SORCS2: variants seen among roughly 807,000 people sequenced by gnomAD.
The protein encoded by SORCS2 is sortilin related VPS10 domain containing receptor 2.
In SORCS2, 100 loss-of-function variants were observed where a neutral mutation model predicts 141.6. The observed-to-expected ratio is 0.71, with a 90% CI of 0.60 to 0.83. The LOEUF (loss-of-function observed/expected upper bound fraction) is 0.83, where lower values mean the gene tolerates loss of function less well. Among genes scored for constraint, SORCS2 ranks in the 40% least tolerant of loss-of-function variants. The pLI is 0.00. For synonymous variants in SORCS2, 789 were observed against 676.9 expected (o/e 1.17, Z -2.57); for missense variants, 1,646 against 1,560.2 (o/e 1.05, Z -0.93).
chr4:7,268,398 G>A (rs964555275), intron 1 of SORCS2, among the ~76,000 whole-genome samples: 4 of 152,080 alleles, frequency 2.6e-5, no homozygotes, highest in African/African-American at 4.8e-5. Context: ...GCTTCCTGTC[G>A]GCCACTTAAC....
Position 7,591,978 on chromosome 4 carries a change from A to T in SORCS2, c.649-46350A>T, listed in dbSNP as rs546901224. Among the ~76,000 whole-genome samples, 10 of 152,290 alleles carry T rather than the reference A, an allele frequency of 6.6e-5. No homozygotes were observed. In the South Asian group the frequency reaches 2.1e-3, roughly 32 times the overall value. ...TTTCAGCCGACCAACAGAAAATCCC[A>T]GCAGGTTGCAGATGAGAAAAAAAAA... is the stretch of plus-strand genomic sequence containing the variant. On this transcript the variant is annotated intron_variant, in intron 3 of 26. Coordinates refer to ENST00000507866, the MANE Select transcript of SORCS2 (RefSeq NM_020777.3).
At chr4:7,574,818 C>A (rs1715640731) in intron 3 of SORCS2, among the ~76,000 whole-genome samples, 1 of 152,200 alleles carries the variant, frequency 6.6e-6, no homozygotes, top group Non-Finnish European at 1.5e-5. Flanking sequence ...GTGTGGCATG[C>A]TGTCCCCAGG....
At chr4:7,701,791 A>G (rs749746880) in intron 12 of SORCS2, among the ~76,000 whole-genome samples, 64 of 152,254 alleles carry the variant, frequency 4.2e-4, no homozygotes, top group Middle Eastern at 3.4e-3. Context: ...GGGAGACTCC[A>G]TATGGAGGGG....
intron 1 of SORCS2, among the ~76,000 whole-genome samples, chr4:7,314,422 C>T (rs911429505): frequency 4.7e-5 from 7 of 150,094 alleles, no homozygotes; most frequent in East Asian, 3.9e-4. Flanking sequence ...TCCCTGCAAG[C>T]GTCGTCTCCT....
At chr4:7,602,099 T>C (rs1717735202) in intron 3 of SORCS2, among the ~76,000 whole-genome samples, 1 of 152,212 alleles carries the variant, frequency 6.6e-6, no homozygotes, top group African/African-American at 2.4e-5. Flanking sequence ...CAATCTGGTT[T>C]CTCTTTCCTT....
chr4:7,569,444 G>A (rs972470626), intron 3 of SORCS2, among the ~76,000 whole-genome samples: 16 of 152,184 alleles, frequency 1.1e-4, no homozygotes, highest in South Asian at 2.1e-4. Context: ...CCTGGGAGGC[G>A]GAGGTTGCGG....
At chr4:7,396,187 T>C in intron 1 of SORCS2, 101 bp from the exon 2 acceptor site, 1 of 1,138,190 alleles carries the variant, frequency 8.8e-7, no homozygotes. Flanking sequence ...GGCTGTTATT[T>C]AGAGACCCCA....
intron 3 of SORCS2, among the ~76,000 whole-genome samples, chr4:7,558,615 A>G (rs1045017630): frequency 1.3e-5 from 2 of 152,162 alleles, no homozygotes; most frequent in Admixed American, 6.5e-5. Flanking sequence ...TCCCACGCAC[A>G]TGAGCTGACG....
At chr4:7,349,607 T>A (rs996589276) in intron 1 of SORCS2, among the ~76,000 whole-genome samples, 38 of 152,158 alleles carry the variant, frequency 2.5e-4, no homozygotes, top group Non-Finnish European at 5.0e-4. Flanking sequence ...CTCTGGCATG[T>A]CCTTCGCCAC....
intron 3 of SORCS2, among the ~76,000 whole-genome samples, chr4:7,541,095 C>T (rs73075275): frequency 0.022 from 3,282 of 152,342 alleles, 114 homozygotes; most frequent in African/African-American, 0.074. Context: ...AAAGCCAACC[C>T]ATCCTTTCTG....
chr4:7,590,437 A>G (rs1716840264), intron 3 of SORCS2, among the ~76,000 whole-genome samples: 1 of 152,218 alleles, frequency 6.6e-6, no homozygotes, highest in South Asian at 2.1e-4. Flanking sequence ...GTCCTCTCCC[A>G]GGGAGAGAAA....
intron 3 of SORCS2, among the ~76,000 whole-genome samples, chr4:7,541,610 C>T (rs1389795703): frequency 1.3e-5 from 2 of 152,208 alleles, no homozygotes; most frequent in Non-Finnish European, 2.9e-5. Flanking sequence ...CCAGGCCTCT[C>T]CCTCAAGTGG....
At chr4:7,433,141 C>T in intron 2 of SORCS2, 2 of 596,040 alleles carry the variant, frequency 3.4e-6, no homozygotes, top group Non-Finnish European at 2.5e-6. Context: ...CTGTGCGGCA[C>T]CGTTGTTAAG....
chr4:7,260,047 C>G (rs56255567), intron 1 of SORCS2, among the ~76,000 whole-genome samples: 3,050 of 152,210 alleles, frequency 0.02, 94 homozygotes, highest in African/African-American at 0.062. Context: ...TCTCACTCCC[C>G]TCTCCTGCCC....
At chr4:7,548,033 A>G (rs938940236) in intron 3 of SORCS2, among the ~76,000 whole-genome samples, 20 of 152,160 alleles carry the variant, frequency 1.3e-4, no homozygotes, top group African/African-American at 4.8e-4. Context: ...ATCATGAGCA[A>G]TGTAGGATCA....
chr4:7,655,078 G>A (rs974423004), intron 5 of SORCS2, among the ~76,000 whole-genome samples: 4 of 152,158 alleles, frequency 2.6e-5, no homozygotes, highest in Admixed American at 6.5e-5. Flanking sequence ...CAGTGCAGCC[G>A]TTCAGAACTC....
intron 3 of SORCS2, among the ~76,000 whole-genome samples, chr4:7,622,213 G>A (rs139490751): frequency 1.4e-4 from 22 of 152,268 alleles, no homozygotes; most frequent in Non-Finnish European, 2.8e-4. Context: ...AAGACAGGGA[G>A]CAAGAAGGAG....
At chr4:7,409,892 A>G (rs750099051) in intron 2 of SORCS2, among the ~76,000 whole-genome samples, 2 of 152,172 alleles carry the variant, frequency 1.3e-5, no homozygotes, top group Non-Finnish European at 2.9e-5. Flanking sequence ...CTATGCTACC[A>G]TTTTGGAACC....
intron 2 of SORCS2, among the ~76,000 whole-genome samples, chr4:7,510,585 GC>G (rs1732560880): frequency 1.3e-5 from 2 of 150,626 alleles, no homozygotes; most frequent in Admixed American, 6.6e-5. Flanking sequence ...CCCGGGGCCA[GC>G]GGCTTGTTCT....
Sources: allele counts gnomAD v4.1 joint callset (sites outside exome capture counted in the v4.1 genomes callset), GRCh38; gene constraint gnomAD v4.1.1; transcripts MANE v1.5; gene names NCBI Gene and HGNC (gene_info 2026-07-23, HGNC 2026-07-21).